The following ZNF331 variants were observed in gnomAD, a reference collection of about 807,000 sequenced individuals.
ZNF331 encodes zinc finger protein 331.
A neutral mutation model predicts 7.0 loss-of-function variants in ZNF331; 2 were observed. The observed-to-expected ratio is 0.29, with a 90% CI of 0.12 to 0.90. ZNF331 has a LOEUF of 0.90. Ranked by LOEUF, ZNF331 falls within the 40% of genes least tolerant of loss-of-function variation. The pLI, the probability that ZNF331 is intolerant of heterozygous loss-of-function variation, is 0.58. For synonymous variants in ZNF331, 196 were observed against 205.4 expected, an observed-to-expected ratio of 0.95 and a Z score of 0.39; for missense variants, 432 against 587.7, an observed-to-expected ratio of 0.74 and a Z score of 2.74.
intron 5 of ZNF331, among the ~76,000 whole-genome samples, chr19:53,576,311 C>T (rs768427667): frequency 9.9e-5 from 15 of 152,190 alleles, no homozygotes; most frequent in Non-Finnish European, 1.8e-4. Context: ...TTTAATAATA[C>T]TACTGACATA....
intron 5 of ZNF331, among the ~76,000 whole-genome samples, chr19:53,574,212 G>A (rs527532812): frequency 6.6e-5 from 10 of 152,214 alleles, no homozygotes; most frequent in African/African-American, 2.4e-4. Context: ...TTTTAAAGGA[G>A]GGCATATAAT....
In ZNF331 at chr19:53,557,530, A is replaced by G. The variant is rs900192427; in HGVS notation, c.-74+1622A>G. Among the ~76,000 whole-genome samples, 12 of 152,192 alleles carry G rather than the reference A, an allele frequency of 7.9e-5. 1 individual carries two copies. The highest frequency in any genetic ancestry group is 1.2e-4 in the African/African-American group (5 of 41,460). ...TTGGGGAACAGAATTTCAATATAGG[A>G]ATCTGGGGAGGAATAAAATACTTAG... is the stretch of plus-strand genomic sequence containing the variant. On this transcript the variant is annotated intron_variant, in intron 3 of 5. Coordinates refer to ENST00000449416, the MANE Select transcript of ZNF331 (RefSeq NM_001079906.2).
upstream of ZNF331, among the ~76,000 whole-genome samples, chr19:53,519,721 G>A (rs1189892012): frequency 2.6e-5 from 4 of 152,256 alleles, no homozygotes; most frequent in South Asian, 8.3e-4. Flanking sequence ...AGAACGAAAC[G>A]CAAAGTCCTG....
At chr19:53,575,420 T>G (rs572326837) in intron 5 of ZNF331, among the ~76,000 whole-genome samples, 2 of 152,172 alleles carry the variant, frequency 1.3e-5, no homozygotes. Context: ...TTCTAAACTT[T>G]TTCACATTTT....
chr19:53,559,511 C>T (rs1406585217), intron 3 of ZNF331, among the ~76,000 whole-genome samples: 3 of 149,274 alleles, frequency 2.0e-5, no homozygotes, highest in Non-Finnish European at 3.0e-5. Flanking sequence ...TACACACCTA[C>T]ATATATACAC....
At chr19:53,559,399 C>T (rs2089675299) in intron 3 of ZNF331, among the ~76,000 whole-genome samples, 1 of 151,098 alleles carries the variant, frequency 6.6e-6, no homozygotes, top group South Asian at 2.1e-4. Flanking sequence ...TACACACCTA[C>T]ATATATACAC....
At chr19:53,546,749 C>T (rs2088644103) in intron 2 of ZNF331, among the ~76,000 whole-genome samples, 1 of 152,168 alleles carries the variant, frequency 6.6e-6, no homozygotes, top group Non-Finnish European at 1.5e-5. Flanking sequence ...TTTGTGAGGC[C>T]TTTAAGAGCG....
upstream of ZNF331, among the ~76,000 whole-genome samples, chr19:53,519,716 G>A (rs1047412842): frequency 3.9e-5 from 6 of 152,182 alleles, no homozygotes; most frequent in African/African-American, 1.2e-4. Flanking sequence ...ATCAGAGAAC[G>A]AAACGCAAAG....
upstream of ZNF331, among the ~76,000 whole-genome samples, chr19:53,515,843 C>T (rs531102557): frequency 6.6e-6 from 1 of 152,158 alleles, no homozygotes; most frequent in East Asian, 1.9e-4. Context: ...CTGTCTCCAT[C>T]TTCATGTTCA....
the ZNF331 span, chr19:53,503,632 T>G: frequency 1.4e-6 from 1 of 696,602 alleles, no homozygotes; most frequent in South Asian, 1.5e-5. Flanking sequence ...ATTCTGGATG[T>G]AAATTTCTTT....
At chr19:53,516,173 G>A (rs913029217), upstream of ZNF331, among the ~76,000 whole-genome samples, 4 of 152,030 alleles carry the variant, frequency 2.6e-5, no homozygotes, top group African/African-American at 4.8e-5. Context: ...TTATTGGGCC[G>A]GGCGTGGTGG....
chr19:53,576,779 TAGA>T lies in ZNF331; in HGVS notation c.225_227del (p.Arg75del), dbSNP rs574088222. On this transcript the variant is annotated inframe_deletion, in exon 6 of 6. Coordinates refer to ENST00000449416, the MANE Select transcript of ZNF331 (RefSeq NM_001079906.2). ...TAAGGGCTTCCAAAAGGAATTCAGATAGAAGAAGTAAATCCCTTGGCCGTAACT... is the reference window on the plus strand; with the variant it reads ...TAAGGGCTTCCAAAAGGAATTCAGATAGAAGTAAATCCCTTGGCCGTAACT... 4.4e-4 allele frequency: 706 copies of T among 1,614,000 alleles called. 1 individual carries two copies. The highest frequency in any genetic ancestry group is 5.8e-4 in the Non-Finnish European group (684 of 1,180,034).
the ZNF331 span, among the ~76,000 whole-genome samples, chr19:53,514,197 T>C: frequency 6.6e-6 from 1 of 150,950 alleles, no homozygotes; most frequent in East Asian, 2.0e-4. Flanking sequence ...AACTAATATA[T>C]TTTTTCTCTG....
At chr19:53,525,142 T>G (rs10426162) in intron 2 of ZNF331, among the ~76,000 whole-genome samples, 52,356 of 151,940 alleles carry the variant, frequency 0.34, 9,736 homozygotes, top group African/African-American at 0.49. Flanking sequence ...TTTGGTACCA[T>G]TACCATGCTG....
chr19:53,506,944 C>T, the ZNF331 span, among the ~76,000 whole-genome samples: 1 of 152,154 alleles, frequency 6.6e-6, no homozygotes, highest in South Asian at 2.1e-4. Flanking sequence ...CCCAAATCCT[C>T]ACTATGCAGA....
chr19:53,532,626 A>G (rs1600228467), intron 2 of ZNF331, among the ~76,000 whole-genome samples: 1 of 152,224 alleles, frequency 6.6e-6, no homozygotes. Flanking sequence ...GGTAGAATAC[A>G]GCAATGAAGC....
intron 3 of ZNF331, among the ~76,000 whole-genome samples, chr19:53,568,338 C>T (rs957924114): frequency 1.3e-5 from 2 of 152,080 alleles, no homozygotes; most frequent in African/African-American, 4.8e-5. Flanking sequence ...GGACTCATTA[C>T]TCTGCTGTCT....
At chr19:53,563,417 C>G (rs1235432239) in intron 3 of ZNF331, among the ~76,000 whole-genome samples, 1 of 152,140 alleles carries the variant, frequency 6.6e-6, no homozygotes, top group Non-Finnish European at 1.5e-5. Flanking sequence ...AATCATGTCT[C>G]TTTTCTCTAC....
At chr19:53,531,175 C>T (rs1392657856) in intron 2 of ZNF331, among the ~76,000 whole-genome samples, 1 of 152,092 alleles carries the variant, frequency 6.6e-6, no homozygotes, top group Admixed American at 6.6e-5. Context: ...GAATCATTTA[C>T]CCATCTTAAA....
Sources: gnomAD v4.1 joint callset for allele counts (sites outside exome capture counted in the v4.1 genomes callset) on GRCh38, gnomAD v4.1.1 for gene constraint, MANE v1.5 for transcripts, NCBI Gene and HGNC (gene_info 2026-07-23, HGNC 2026-07-21) for gene names.